The following SETD3 variants were observed in gnomAD, a reference collection of about 807,000 sequenced individuals.
SETD3 encodes SET domain containing 3, actin N3(tau)-histidine methyltransferase.
A neutral mutation model predicts 63.0 loss-of-function variants in SETD3; 19 were observed. That is an observed-to-expected ratio of 0.30 (90% CI 0.21 to 0.44). The LOEUF (loss-of-function observed/expected upper bound fraction) is 0.44, where lower values mean the gene tolerates loss of function less well. Among genes scored for constraint, SETD3 ranks in the 20% least tolerant of loss-of-function variants. SETD3 has a pLI of 1.00. For synonymous variants in SETD3, 286 were observed against 264.1 expected, an observed-to-expected ratio of 1.08 and a Z score of -0.80; for missense variants, 587 against 728.5, an observed-to-expected ratio of 0.81 and a Z score of 2.24.
upstream of SETD3, among the ~76,000 whole-genome samples, chr14:99,484,285 A>G (rs1429642031): frequency 6.6e-6 from 1 of 152,276 alleles, no homozygotes; most frequent in African/African-American, 2.4e-5. Context: ...TGTGAGGATA[A>G]GAAAACTAGC....
chr14:99,476,973 G>A (rs1896004801), intron 1 of SETD3, among the ~76,000 whole-genome samples: 1 of 152,092 alleles, frequency 6.6e-6, no homozygotes, highest in South Asian at 2.1e-4. Flanking sequence ...AAAAAACAGT[G>A]GAAACATTTC....
intron 6 of SETD3, among the ~76,000 whole-genome samples, chr14:99,441,566 G>A (rs1260367261): frequency 6.6e-6 from 1 of 152,234 alleles, no homozygotes; most frequent in African/African-American, 2.4e-5. Flanking sequence ...AGATGTCAGG[G>A]GGTCTTCACG....
chr14:99,482,962 G>A (rs1414719396), upstream of SETD3, among the ~76,000 whole-genome samples: 1 of 152,168 alleles, frequency 6.6e-6, no homozygotes, highest in Non-Finnish European at 1.5e-5. Flanking sequence ...GGTAATTGAG[G>A]AGATTACAGA....
chr14:99,461,098 C>G (rs1343846600), intron 4 of SETD3, 94 bp downstream of exon 4: 3 of 1,435,858 alleles, frequency 2.1e-6, no homozygotes, highest in East Asian at 2.3e-5. Context: ...CTAGAACTCC[C>G]CCACCACACG....
rs774700264 is a variant in SETD3, at chr14:99,412,920, T to C, written c.849+31A>G. 5 of 1,466,040 alleles carry C rather than the reference T, an allele frequency of 3.4e-6. No homozygotes were observed. In the African/African-American group the frequency reaches 4.2e-5, roughly 12 times the overall value. 90.8% of individuals were successfully genotyped at this position (1,466,040 alleles called of 1,614,324 possible). ...AGCTTAGCAACAACAGCCTCCCAGA[T>C]TCAACACAACACAGGGGAAGAGGTC... is the stretch of plus-strand genomic sequence containing the variant. On this transcript the variant is annotated intron_variant, in intron 8 of 12. Transcript: ENST00000331768.
intron 1 of SETD3, among the ~76,000 whole-genome samples, chr14:99,467,497 G>A (rs754716102): frequency 8.5e-5 from 13 of 152,194 alleles, no homozygotes; most frequent in East Asian, 3.8e-4. Context: ...CCATATCTGC[G>A]GAGGGCATCT....
chr14:99,423,179 CTTCT>C (rs946292285), intron 6 of SETD3, among the ~76,000 whole-genome samples: 2 of 152,158 alleles, frequency 1.3e-5, no homozygotes, highest in African/African-American at 4.8e-5. Context: ...AGTAACAAAA[CTTCT>C]TTGTTTATAA....
chr14:99,406,422 C>T (rs1258510861), intron 9 of SETD3, 94 bp downstream of exon 9: 3 of 1,143,494 alleles, frequency 2.6e-6, no homozygotes, highest in Non-Finnish European at 3.9e-6. Context: ...ACATTTTTTC[C>T]CCTAAGTTAA....
chr14:99,458,510 G>A lies in SETD3; in HGVS notation c.444C>T (p.Ile148=). 1.9e-6 allele frequency: 3 copies of A among 1,614,178 alleles called. No homozygotes were observed. Among genetic ancestry groups the A allele is most frequent in the East Asian group, 2.2e-5 (1 of 44,888 alleles). The change falls in exon 6 of 13, where the codon ATC becomes ATT. Residue 148 remains isoleucine, a synonymous_variant. Coordinates refer to ENST00000331768, the MANE Select transcript of SETD3 (RefSeq NM_032233.3). ...VLGPLYSQDR[I]LQAMGNIALA... Reference sequence around the variant, plus strand: ...GTGCGATGTTTCCCATGGCTTGAAGGATTCGGTCTTGAGAATATAAGGGCC... The same window carrying A: ...GTGCGATGTTTCCCATGGCTTGAAGAATTCGGTCTTGAGAATATAAGGGCC...
Position 99,461,195 on chromosome 14 carries a change from G to C in SETD3, c.342C>G (p.Ile114Met). 1 of 1,613,814 alleles carries C rather than the reference G, an allele frequency of 6.2e-7. No homozygotes were observed. The highest frequency in any genetic ancestry group is 8.5e-7 in the Non-Finnish European group (1 of 1,179,932). Residue 114 changes from isoleucine to methionine, a missense_variant, in exon 4 of 13, where the codon ATC (isoleucine) becomes ATG (methionine). Ile to Met is a conservative substitution (Grantham distance 10). Coordinates refer to ENST00000331768, the MANE Select transcript of SETD3 (RefSeq NM_032233.3). ...GACCAACATTTTATAAACTCACCTT[G>C]ATATCTCTTGTTGCTCTCAAACCAA... Reference protein sequence around the residue: ...EGFGLRATRDIKAEELFLWVP... With the variant: ...EGFGLRATRDMKAEELFLWVP...
chr14:99,419,260 C>T (rs115228552), intron 6 of SETD3, among the ~76,000 whole-genome samples: 4,040 of 152,114 alleles, frequency 0.027, 172 homozygotes, highest in African/African-American at 0.092. Flanking sequence ...TTCTGCCTTT[C>T]GCTTATATAT....
At chr14:99,462,385 T>C (rs1895118208) in intron 3 of SETD3, among the ~76,000 whole-genome samples, 1 of 152,194 alleles carries the variant, frequency 6.6e-6, no homozygotes, top group South Asian at 2.1e-4. Flanking sequence ...GGCACATAGC[T>C]CAGGCGCCTG....
chr14:99,404,789 A>T (rs923424584), intron 10 of SETD3, among the ~76,000 whole-genome samples: 1 of 152,226 alleles, frequency 6.6e-6, no homozygotes, highest in Non-Finnish European at 1.5e-5. Context: ...TTATGCCTCA[A>T]ATGCAAGAAA....
intron 6 of SETD3, among the ~76,000 whole-genome samples, chr14:99,430,151 A>C (rs1255200946): frequency 6.6e-6 from 1 of 152,186 alleles, no homozygotes; most frequent in Admixed American, 6.5e-5. Flanking sequence ...CAAGTTTAGC[A>C]CTGGCTCCCA....
chr14:99,441,695 C>T (rs994796993), intron 6 of SETD3, among the ~76,000 whole-genome samples: 2 of 152,202 alleles, frequency 1.3e-5, no homozygotes, highest in African/African-American at 4.8e-5. Context: ...CCCTGATCAC[C>T]ACCAGAGGGA....
chr14:99,435,882 G>C (rs964324769), intron 6 of SETD3, among the ~76,000 whole-genome samples: 9 of 151,998 alleles, frequency 5.9e-5, no homozygotes, highest in African/African-American at 1.9e-4. Flanking sequence ...CTTTCCACCT[G>C]TATTAGTCCA....
At chr14:99,473,273 T>C (rs144673927) in intron 1 of SETD3, among the ~76,000 whole-genome samples, 1 of 152,346 alleles carries the variant, frequency 6.6e-6, no homozygotes, top group Non-Finnish European at 1.5e-5. Context: ...GCACATTTAG[T>C]GACCTTGGCT....
intron 7 of SETD3, chr14:99,413,364 TCCCCGACAC>T (rs1014324158): frequency 9.7e-6 from 3 of 310,796 alleles, no homozygotes; most frequent in Non-Finnish European, 1.8e-5. Flanking sequence ...CAAAATCCAC[TCCCCGACAC>T]CCCCCAACCC....
intron 1 of SETD3, among the ~76,000 whole-genome samples, chr14:99,477,877 A>T (rs1896056848): frequency 6.6e-6 from 1 of 151,854 alleles, no homozygotes; most frequent in Non-Finnish European, 1.5e-5. Context: ...TTTGCATATC[A>T]AATTAGTTAA....
Sources: gnomAD v4.1 joint callset for allele counts (sites outside exome capture counted in the v4.1 genomes callset) on GRCh38, gnomAD v4.1.1 for gene constraint, MANE v1.5 for transcripts, NCBI Gene and HGNC (gene_info 2026-07-23, HGNC 2026-07-21) for gene names.